The following VMP1 variants were observed in gnomAD, a reference collection of about 807,000 sequenced individuals.
VMP1 encodes the protein vacuole membrane protein 1.
VMP1 carries 11 observed loss-of-function variants against 56.0 expected under a neutral mutation model. That is an observed-to-expected ratio of 0.20 (90% CI 0.12 to 0.32). The LOEUF (loss-of-function observed/expected upper bound fraction) is 0.32. VMP1 is among the 10% of genes least tolerant of loss of function. The pLI is 1.00. For synonymous variants in VMP1, 149 were observed against 165.0 expected (o/e 0.90, Z 0.74); for missense variants, 296 against 490.3 (o/e 0.60, Z 3.74).
At chr17:59,825,666 A>T (rs967661499) in intron 10 of VMP1, among the ~76,000 whole-genome samples, 1 of 152,232 alleles carries the variant, frequency 6.6e-6, no homozygotes, top group Non-Finnish European at 1.5e-5. Flanking sequence ...AAAAGTTTCC[A>T]TAACTCAATC....
At chr17:59,760,620 A>G (rs1465897035) in intron 5 of VMP1, among the ~76,000 whole-genome samples, 2 of 151,364 alleles carry the variant, frequency 1.3e-5, no homozygotes, top group African/African-American at 4.9e-5. Context: ...TTTATTTTCT[A>G]TTTTCTTTTT....
chr17:59,802,984 G>A (rs2037726524), intron 7 of VMP1, among the ~76,000 whole-genome samples: 1 of 152,122 alleles, frequency 6.6e-6, no homozygotes, highest in South Asian at 2.1e-4. Context: ...GACCTCTGGT[G>A]ATCCACCCGC....
intron 1 of VMP1, among the ~76,000 whole-genome samples, chr17:59,716,981 T>A (rs1344792347): frequency 1.3e-5 from 2 of 152,066 alleles, no homozygotes; most frequent in Non-Finnish European, 2.9e-5. Flanking sequence ...AATTTTTATT[T>A]TTTTTTATTT....
chr17:59,786,616 T>G (rs907772189), intron 7 of VMP1, among the ~76,000 whole-genome samples: 1 of 152,226 alleles, frequency 6.6e-6, no homozygotes, highest in Non-Finnish European at 1.5e-5. Context: ...GGCCATCACA[T>G]GACTTCTCTG....
intron 1 of VMP1, among the ~76,000 whole-genome samples, chr17:59,725,551 C>CA (rs78026893): frequency 0.46 from 52,001 of 112,208 alleles, 11,142 homozygotes; most frequent in African/African-American, 0.66. Context: ...GTCAAAATGC[C>CA]AAAAAAAAAA....
chr17:59,824,571 T>TA (rs35033232), intron 10 of VMP1, among the ~76,000 whole-genome samples: 16,023 of 95,450 alleles, frequency 0.17, 1,402 homozygotes, highest in Non-Finnish European at 0.21. Context: ...AGACTCCTTC[T>TA]AAAAAAAAAA....
Position 59,772,950 on chromosome 17 carries a change from C to CTTTTTTTTTTTTTTTTTTTTTT in VMP1, c.583-795_583-774dup, listed in dbSNP as rs1179269248. On this transcript the variant is annotated intron_variant, in intron 6 of 11. Transcript: ENST00000262291. ...TATCTAACACATATACTGGTGAATT[C>CTTTTTTTTTTTTTTTTTTTTTT]TTTTTTTTTTTTTTTTTTTTTTTTT... Among the ~76,000 whole-genome samples, 61 of 55,720 alleles carry CTTTTTTTTTTTTTTTTTTTTTT rather than the reference C, an allele frequency of 1.1e-3. 13 individuals are homozygous for CTTTTTTTTTTTTTTTTTTTTTT. Among genetic ancestry groups the CTTTTTTTTTTTTTTTTTTTTTT allele is most frequent in the South Asian group, 1.5e-3 (2 of 1,304 alleles). 36.6% of individuals were successfully genotyped at this position (55,720 alleles called of 152,430 possible).
At chr17:59,808,073 C>T (rs1422883411) in intron 7 of VMP1, among the ~76,000 whole-genome samples, 3 of 152,078 alleles carry the variant, frequency 2.0e-5, no homozygotes, top group Non-Finnish European at 2.9e-5. Flanking sequence ...ACTAGCCAGC[C>T]GAATGCATGT....
chr17:59,789,008 G>T (rs2037114571), intron 7 of VMP1, among the ~76,000 whole-genome samples: 1 of 150,078 alleles, frequency 6.7e-6, no homozygotes, highest in Non-Finnish European at 1.5e-5. Context: ...GGCCCCTTTT[G>T]GGCCGGGCGC....
chr17:59,746,741 G>A (rs1017699934), intron 5 of VMP1, among the ~76,000 whole-genome samples: 2 of 152,306 alleles, frequency 1.3e-5, no homozygotes, highest in Non-Finnish European at 2.9e-5. Context: ...AACCAGAAAG[G>A]AGGAGATGAA....
At chr17:59,748,138 G>A (rs1457990075) in intron 5 of VMP1, among the ~76,000 whole-genome samples, 5 of 146,128 alleles carry the variant, frequency 3.4e-5, no homozygotes, top group African/African-American at 1.0e-4. Flanking sequence ...GGAGCTTACA[G>A]TGAGCCAAGA....
At chr17:59,776,149 C>T (rs1028624758) in intron 7 of VMP1, among the ~76,000 whole-genome samples, 1 of 151,988 alleles carries the variant, frequency 6.6e-6, no homozygotes, top group Non-Finnish European at 1.5e-5. Context: ...AAGGTGGAGG[C>T]TGCAGTGAGC....
intron 3 of VMP1, 47 bp from the exon 4 acceptor site, chr17:59,737,406 C>T: frequency 6.4e-7 from 1 of 1,563,054 alleles, no homozygotes. Context: ...ATGATGAATG[C>T]TGAAAGTGAG....
At chr17:59,763,544 G>T (rs1416090459) in intron 5 of VMP1, among the ~76,000 whole-genome samples, 1 of 151,936 alleles carries the variant, frequency 6.6e-6, no homozygotes, top group Non-Finnish European at 1.5e-5. Context: ...CATTTTTTAG[G>T]TATTATTTTA....
intron 9 of VMP1, among the ~76,000 whole-genome samples, chr17:59,812,014 C>G (rs1258061072): frequency 1.3e-5 from 2 of 151,852 alleles, no homozygotes; most frequent in African/African-American, 4.8e-5. Flanking sequence ...TCCTTCCTTT[C>G]TCTCTTTCTT....
intron 1 of VMP1, among the ~76,000 whole-genome samples, chr17:59,722,510 A>C (rs1018947748): frequency 6.6e-6 from 1 of 152,182 alleles, no homozygotes; most frequent in Non-Finnish European, 1.5e-5. Context: ...GTGTAACATA[A>C]AAAACGTACA....
intron 1 of VMP1, chr17:59,708,179 A>G (rs1471996850): frequency 6.6e-6 from 1 of 152,234 alleles, no homozygotes; most frequent in Non-Finnish European, 1.5e-5. Flanking sequence ...TGCTAGATGT[A>G]TTCGCTCCTA....
At chr17:59,718,203 TTTTTTTTTTG>T in intron 1 of VMP1, among the ~76,000 whole-genome samples, 2 of 139,358 alleles carry the variant, frequency 1.4e-5, no homozygotes. Flanking sequence ...TTTTTTTTTT[TTTTTTTTTTG>T]TGAGACGGAG....
In VMP1 at chr17:59,807,497, G is replaced by A. The variant is rs369309018; in HGVS notation, c.715-1299G>A. Among the ~76,000 whole-genome samples the A allele has an allele frequency of 6.7e-4, 101 of 151,662 alleles. No homozygotes were observed. In the East Asian group the frequency reaches 9.4e-3, roughly 14 times the overall value. On this transcript the variant is annotated intron_variant, in intron 7 of 11. Transcript: ENST00000262291. ...CAGGCCTGAGCCACCGCGCCCGGCC[G>A]GATCTGTCCACCTTCTATATTCTCT...
Sources: allele counts gnomAD v4.1 joint callset (sites outside exome capture counted in the v4.1 genomes callset), GRCh38; gene constraint gnomAD v4.1.1; transcripts MANE v1.5; gene names NCBI Gene and HGNC (gene_info 2026-07-23, HGNC 2026-07-21).